Variants in GCNT2 observed in about 807,000 individuals in gnomAD.
GCNT2 encodes the protein N-acetyllactosaminide beta-1,6-N-acetylglucosaminyl-transferase.
A neutral mutation model predicts 34.2 loss-of-function variants in GCNT2; 34 were observed. The observed-to-expected ratio is 1.00, with a 90% confidence interval of 0.76 to 1.32. The LOEUF is 1.32. Among genes scored for constraint, GCNT2 ranks in the 40% most tolerant of loss-of-function variants. The probability of loss-of-function intolerance (pLI) is 0.00; values close to 1 mark genes in which losing one functional copy is unlikely to be tolerated. For missense variants in GCNT2, 584 were observed against 489.4 expected (o/e 1.19, Z -1.82); for synonymous variants, 212 against 188.0 (o/e 1.13, Z -1.04).
chr6:10,626,384 T>G, intron 4 of GCNT2, 33 bp from the exon 5 acceptor site: 1 of 1,519,934 alleles, frequency 6.6e-7, no homozygotes, highest in Non-Finnish European at 9.1e-7. Flanking sequence ...AGCAAGCATG[T>G]TTTGACTCTG....
chr6:10,529,554 A>G lies in GCNT2; in HGVS notation c.643A>G (p.Ile215Val). The change falls in exon 3 of 5, where the codon ATC becomes GTC. Residue 215 changes from isoleucine (I) to valine (V), a missense_variant. Transcript: ENST00000495262. ...TCTGAAGGGATTTAAAGGGAAAAAT[A>G]TCACCCCCGGAGTGCTGCCTCCTGA... ...QYLKGFKGKN[I>V]TPGVLPPDHA... 2 of 1,614,192 alleles carry G rather than the reference A, an allele frequency of 1.2e-6. No homozygotes were observed. The highest frequency in any genetic ancestry group is 1.7e-6 in the Non-Finnish European group (2 of 1,180,012).
At chr6:10,560,479 A>T (rs963276275) in intron 3 of GCNT2, among the ~76,000 whole-genome samples, 1 of 151,870 alleles carries the variant, frequency 6.6e-6, no homozygotes, top group Non-Finnish European at 1.5e-5. Context: ...GTGCAAGTGC[A>T]GGTGGTGCTG....
At chr6:10,582,508 A>T (rs1764164127) in intron 3 of GCNT2, among the ~76,000 whole-genome samples, 1 of 106,136 alleles carries the variant, frequency 9.4e-6, no homozygotes, top group Admixed American at 1.0e-4. Flanking sequence ...AATATAATAC[A>T]TCATATATTA....
intron 3 of GCNT2, among the ~76,000 whole-genome samples, chr6:10,598,951 G>A (rs1304181568): frequency 6.6e-6 from 1 of 152,182 alleles, no homozygotes; most frequent in Admixed American, 6.5e-5. Context: ...AATGGCGCAT[G>A]GTGCCTAGTA....
At chr6:10,536,923 G>C (rs531713366) in intron 3 of GCNT2, among the ~76,000 whole-genome samples, 3 of 151,462 alleles carry the variant, frequency 2.0e-5, no homozygotes, top group African/African-American at 7.3e-5. Flanking sequence ...CCGCCACCAC[G>C]CCTGGCTAAT....
intron 3 of GCNT2, among the ~76,000 whole-genome samples, chr6:10,563,746 AAAG>A (rs1763128053): frequency 6.1e-5 from 3 of 49,116 alleles, no homozygotes; most frequent in East Asian, 5.4e-4. Flanking sequence ...CATCTCAAAA[AAAG>A]AAAAAAGAAA....
intron 3 of GCNT2, 96 bp from the exon 4 acceptor site, chr6:10,621,255 A>G (rs1270315632): frequency 1.2e-6 from 1 of 802,646 alleles, no homozygotes; most frequent in East Asian, 2.7e-5. Context: ...TAATAAACTG[A>G]AAGAAAGTAA....
chr6:10,542,893 C>CTTTTTTTTTTTTTTT (rs869251646), intron 3 of GCNT2, among the ~76,000 whole-genome samples: 10 of 82,246 alleles, frequency 1.2e-4, no homozygotes, highest in Non-Finnish European at 1.8e-4. Flanking sequence ...TATGTTAATT[C>CTTTTTTTTTTTTTTT]TTTTTTTTTT....
chr6:10,607,361 AG>A (rs1280214517), intron 3 of GCNT2, among the ~76,000 whole-genome samples: 1 of 152,174 alleles, frequency 6.6e-6, no homozygotes, highest in African/African-American at 2.4e-5. Flanking sequence ...CTGGAGCAGG[AG>A]GAAGAGCAGA....
chr6:10,574,689 T>TTTTG (rs546115117), intron 3 of GCNT2: 24 of 374,406 alleles, frequency 6.4e-5, no homozygotes, highest in African/African-American at 2.3e-4. Flanking sequence ...CAAGAATGTT[T>TTTTG]TTTGTTTGTT....
chr6:10,571,589 G>A (rs1218821509), intron 3 of GCNT2, among the ~76,000 whole-genome samples: 1 of 152,102 alleles, frequency 6.6e-6, no homozygotes, highest in Non-Finnish European at 1.5e-5. Flanking sequence ...CTGACCTCAG[G>A]TGACCCACCC....
chr6:10,530,397 T>C (rs1478744784), intron 3 of GCNT2: 1 of 152,934 alleles, frequency 6.5e-6, no homozygotes, highest in African/African-American at 2.4e-5. Flanking sequence ...GTAAACCTTA[T>C]TCTCCTTTAA....
intron 3 of GCNT2, among the ~76,000 whole-genome samples, chr6:10,563,765 AAAAAAAAAAAAAATATATATAT>A (rs954707122): frequency 2.0e-4 from 13 of 63,582 alleles, no homozygotes; most frequent in African/African-American, 9.1e-4. Context: ...AGAAAAAAAA[AAAAAAAAAAAAAATATATATAT>A]ATATATATAT....
At position 10,534,139 on chromosome 6, in the gene GCNT2, C is replaced by CTTTTTTTTTTTTTTTTTTTTTTTTTT. The variant is rs1491129469; in HGVS notation, c.925+4304_925+4305insTTTTTTTTTTTTTTTTTTTTTTTTTT. ...CTGGTATCTGCCAGATTCCATGCTG[C>CTTTTTTTTTTTTTTTTTTTTTTTTTT]TCTTTTTTTTTTTTTTTTTTAAGAT... is the stretch of plus-strand genomic sequence containing the variant. On this transcript the variant is annotated intron_variant, in intron 3 of 4. Transcript: ENST00000495262. Among the ~76,000 whole-genome samples the CTTTTTTTTTTTTTTTTTTTTTTTTTT allele has an allele frequency of 5.7e-3, 703 of 123,148 alleles. 176 individuals are homozygous for CTTTTTTTTTTTTTTTTTTTTTTTTTT. Among genetic ancestry groups the CTTTTTTTTTTTTTTTTTTTTTTTTTT allele is most frequent in the Middle Eastern group, 9.5e-3 (2 of 210 alleles). The allele number at this position is 123,148 out of a possible 152,430, so 80.8% of individuals were successfully genotyped here.
intron 3 of GCNT2, among the ~76,000 whole-genome samples, chr6:10,574,203 C>T (rs1168892913): frequency 6.6e-6 from 1 of 152,064 alleles, no homozygotes; most frequent in East Asian, 1.9e-4. Context: ...ATCTGACTGC[C>T]CTGGCATATC....
intron 1 of GCNT2, among the ~76,000 whole-genome samples, chr6:10,523,646 G>A (rs1273203552): frequency 6.6e-6 from 1 of 151,896 alleles, no homozygotes; most frequent in African/African-American, 2.4e-5. Flanking sequence ...CTCCCAGCAT[G>A]GCCTGGAGAT....
rs373403751 is a variant in GCNT2 at position 10,584,889 on chromosome 6, CTCTT to C, written c.926-36456_926-36453del. On this transcript the variant is annotated intron_variant, in intron 3 of 4. Transcript: ENST00000495262. ...CATAGACACAGTAACAATCTGATCT[CTCTT>C]TCTTTTCCCCACATTTACTTCATCA... Among the ~76,000 whole-genome samples, 191 of 152,252 alleles carry C rather than the reference CTCTT, an allele frequency of 1.3e-3. No homozygotes were observed. The East Asian group carries it at 0.021, about 17-fold the overall frequency.
intron 3 of GCNT2, among the ~76,000 whole-genome samples, chr6:10,576,697 G>A (rs143509043): frequency 6.6e-6 from 1 of 151,008 alleles, no homozygotes; most frequent in African/African-American, 2.5e-5. Flanking sequence ...GAGAGAGAGA[G>A]ACACACACAT....
rs571366184 is a variant in GCNT2 at position 10,622,683 on chromosome 6, T to C, written c.1018+1240T>C. On this transcript the variant is annotated intron_variant, in intron 4 of 4. Transcript: ENST00000495262. The stretch of plus-strand genomic sequence containing the variant: ...ATGAATCAATGAATGAATGACAATA[T>C]GGTGGTTTGGCCTTTTCTCTCTATG... 2.0e-5 allele frequency among the ~76,000 whole-genome samples: 3 copies of C among 151,554 alleles called. No individual in the cohort carries two copies. The South Asian group carries it at 6.3e-4, about 32-fold the overall frequency.
Sources: gnomAD v4.1 joint callset for allele counts (sites outside exome capture counted in the v4.1 genomes callset) on GRCh38, gnomAD v4.1.1 for gene constraint, MANE v1.5 for transcripts, NCBI Gene and HGNC (gene_info 2026-07-23, HGNC 2026-07-21) for gene names.